TANC2: variants seen among roughly 807,000 people sequenced by gnomAD.
TANC2 encodes tetratricopeptide repeat, ankyrin repeat and coiled-coil containing 2.
A neutral mutation model predicts 210.5 loss-of-function variants in TANC2; 26 were observed. That is an observed-to-expected ratio of 0.12 (90% CI 0.09 to 0.17). The LOEUF is 0.17. Among genes scored for constraint, TANC2 ranks in the 10% least tolerant of loss-of-function variants. TANC2 has a pLI of 1.00. For missense variants in TANC2, 2,129 were observed against 2,608.9 expected (o/e 0.82, Z 4.01); for synonymous variants, 931 against 967.1 (o/e 0.96, Z 0.69).
chr17:63,218,800 A>G (rs1341754932), intron 7 of TANC2, among the ~76,000 whole-genome samples: 1 of 152,160 alleles, frequency 6.6e-6, no homozygotes, highest in East Asian at 1.9e-4. Context: ...AGGCTGAGAC[A>G]GGAGAATCGC....
intron 9 of TANC2, among the ~76,000 whole-genome samples, 183 bp from the exon 10 acceptor site, chr17:63,314,205 T>C (rs2045233097): frequency 1.3e-5 from 2 of 152,248 alleles, no homozygotes; most frequent in Non-Finnish European, 2.9e-5. Context: ...ATCAATTAGC[T>C]CTAGCTCGCC....
At chr17:63,115,931 A>G (rs895394890) in intron 4 of TANC2, among the ~76,000 whole-genome samples, 6 of 152,188 alleles carry the variant, frequency 3.9e-5, no homozygotes, top group African/African-American at 1.4e-4. Context: ...CCATCCCACT[A>G]CATTGCAATT....
At chr17:63,295,923 T>A (rs1276862448) in intron 9 of TANC2, among the ~76,000 whole-genome samples, 6 of 152,158 alleles carry the variant, frequency 3.9e-5, no homozygotes, top group Admixed American at 2.0e-4. Flanking sequence ...GGGTGAGGTT[T>A]ATCTCCCTCT....
intron 2 of TANC2, among the ~76,000 whole-genome samples, chr17:63,055,990 AATAT>A (rs57112801): frequency 0.026 from 256 of 10,026 alleles, 4 homozygotes; most frequent in Middle Eastern, 0.1. Context: ...AAAAAAAAAA[AATAT>A]ATATATATAT....
chr17:62,985,365 A>G (rs1436477122), intron 1 of TANC2, among the ~76,000 whole-genome samples: 15 of 151,820 alleles, frequency 9.9e-5, no homozygotes, highest in Admixed American at 9.2e-4. Context: ...CTTCGGCTTG[A>G]ATCTGTTTGT....
At chr17:62,988,473 A>G (rs1043390421) in intron 1 of TANC2, among the ~76,000 whole-genome samples, 5 of 151,916 alleles carry the variant, frequency 3.3e-5, no homozygotes, top group Admixed American at 6.6e-5. Flanking sequence ...CGTTTTTTGT[A>G]GGTTTTCTTC....
chr17:63,066,389 G>A (rs560356582), intron 2 of TANC2, among the ~76,000 whole-genome samples: 3 of 152,110 alleles, frequency 2.0e-5, no homozygotes, highest in Non-Finnish European at 4.4e-5. Context: ...GGGCTGCAGG[G>A]TCTAGCCTGG....
rs1386491486 is a variant in TANC2, at chr17:63,220,719, A to AAAAT, written c.770-17094_770-17093insAATA. 6.3e-4 allele frequency among the ~76,000 whole-genome samples: 85 copies of AAAAT among 134,396 alleles called. 1 individual carries two copies. In the South Asian group the frequency reaches 0.016, roughly 26 times the overall value. The allele number at this position is 134,396 out of a possible 152,430, so 88.2% of individuals were successfully genotyped here. ...AATCAGTCTCAAAAAAAAAAAAAAA[A>AAAAT]ATATATATATATATATATGTATATA... On this transcript the variant is annotated intron_variant, in intron 7 of 27. Coordinates refer to ENST00000689528, the Ensembl canonical transcript of TANC2.
intron 5 of TANC2, among the ~76,000 whole-genome samples, chr17:63,173,943 C>T (rs1299885151): frequency 6.6e-6 from 1 of 152,176 alleles, no homozygotes. Context: ...TCACCTGGAA[C>T]AATAGCTACT....
At chr17:63,128,550 C>G (rs1344757627) in intron 4 of TANC2, among the ~76,000 whole-genome samples, 1 of 151,616 alleles carries the variant, frequency 6.6e-6, no homozygotes, top group Non-Finnish European at 1.5e-5. Flanking sequence ...AACAAAAGGC[C>G]TTGGCCTTAC....
At chr17:63,089,554 A>G (rs970387015) in intron 3 of TANC2, among the ~76,000 whole-genome samples, 1 of 152,126 alleles carries the variant, frequency 6.6e-6, no homozygotes, top group African/African-American at 2.4e-5. Context: ...TTTGGGTTCT[A>G]ATTTTCTTCT....
At chr17:63,080,466 T>C (rs753743746) in intron 3 of TANC2, among the ~76,000 whole-genome samples, 1 of 152,228 alleles carries the variant, frequency 6.6e-6, no homozygotes, top group Non-Finnish European at 1.5e-5. Flanking sequence ...GGTGTAATGA[T>C]GTCCACGAAA....
Position 63,067,963 on chromosome 17 carries a change from T to C in TANC2, c.68-5980T>C, listed in dbSNP as rs915454275. Among the ~76,000 whole-genome samples, 4 of 152,218 alleles carry C rather than the reference T, an allele frequency of 2.6e-5. No individual in the cohort carries two copies. The East Asian group carries it at 7.7e-4, about 29-fold the overall frequency. On this transcript the variant is annotated intron_variant, in intron 2 of 27. Coordinates refer to ENST00000689528, the Ensembl canonical transcript of TANC2. Reference sequence around the variant, plus strand: ...GCACAAGTTTACAGATTCAGGAAGCTGACTGAATCCTTAATAGGATAAATG... The same window carrying C: ...GCACAAGTTTACAGATTCAGGAAGCCGACTGAATCCTTAATAGGATAAATG...
intron 1 of TANC2, among the ~76,000 whole-genome samples, chr17:62,996,750 T>C (rs548123343): frequency 9.2e-5 from 14 of 152,044 alleles, no homozygotes; most frequent in African/African-American, 2.9e-4. Context: ...TTGAGATTAT[T>C]TGTGATTGTA....
At chr17:63,125,582 CTGA>C (rs905409008) in intron 4 of TANC2, among the ~76,000 whole-genome samples, 1 of 152,140 alleles carries the variant, frequency 6.6e-6, no homozygotes, top group African/African-American at 2.4e-5. Flanking sequence ...GTGTCCTCTC[CTGA>C]TAACAGTAAT....
chr17:63,098,177 T>C (rs2037459537), intron 3 of TANC2, among the ~76,000 whole-genome samples: 1 of 152,136 alleles, frequency 6.6e-6, no homozygotes, highest in African/African-American at 2.4e-5. Flanking sequence ...ATGTGATCAA[T>C]TATATAAATA....
chr17:63,421,648 A>G lies in TANC2; in HGVS notation c.5918A>G (p.Glu1973Gly), dbSNP rs2049027101. Residue 1973 changes from glutamate to glycine, a missense_variant, in exon 28 of 28, where the codon GAG becomes GGG. Physicochemically the swap from Glu to Gly is moderately conservative, Grantham distance 98 (BLOSUM62 -2). Around this residue, in one of 5 missense-constraint regions of TANC2, gnomAD observed 161 missense variants for 178.6 expected, o/e 0.90. Transcript: ENST00000689528. The surrounding 1 kb of genome is among the most constrained non-coding windows in gnomAD (Gnocchi z 6.9). ...TCTCCAGGCAACCTGCCTCAGCCTG[A>G]GTCCTTCAGTCCACCATCATCCATC... 12 of 1,613,954 alleles carry G rather than the reference A, an allele frequency of 7.4e-6. No individual in the cohort carries two copies. Among genetic ancestry groups the G allele is most frequent in the Non-Finnish European group, 9.3e-6 (11 of 1,179,914 alleles).
At chr17:63,325,805 G>A (rs923091003) in intron 11 of TANC2, among the ~76,000 whole-genome samples, 3 of 152,140 alleles carry the variant, frequency 2.0e-5, no homozygotes, top group African/African-American at 7.2e-5. Flanking sequence ...CATGTGTTCC[G>A]GGAATGAATC....
intron 2 of TANC2, among the ~76,000 whole-genome samples, chr17:63,026,601 G>C (rs145684278): frequency 6.6e-6 from 1 of 152,236 alleles, no homozygotes; most frequent in East Asian, 1.9e-4. Flanking sequence ...AGAGAGACTG[G>C]CACACTGGTA....
Sources: gnomAD v4.1 joint callset for allele counts (sites outside exome capture counted in the v4.1 genomes callset) on GRCh38, gnomAD v4.1.1 for gene constraint, gnomAD v4.1.1 regional missense constraint, Gnocchi (gnomAD v3.1) non-coding constraint, MANE v1.5 for transcripts, NCBI Gene and HGNC (gene_info 2026-07-23, HGNC 2026-07-21) for gene names.